PCDHA4: variants seen among roughly 807,000 people sequenced by gnomAD.
PCDHA4 encodes protocadherin alpha-4.
In PCDHA4, 49 loss-of-function variants were observed where a neutral mutation model predicts 61.4. The observed-to-expected ratio is 0.80, with a 90% CI of 0.63 to 1.01. The LOEUF is 1.01. Ranked by LOEUF, PCDHA4 falls within the 50% of genes least tolerant of loss-of-function variation. PCDHA4 has a pLI of 0.00. For synonymous variants in PCDHA4, 590 were observed against 550.3 expected (o/e 1.07, Z -1.01); for missense variants, 1,254 against 1,235.8 (o/e 1.01, Z -0.22).
At chr5:141,007,395 C>CAAAAAAAAAAAAA (rs35800918) in intron 3 of PCDHA4, among the ~76,000 whole-genome samples, 1 of 94,866 alleles carries the variant, frequency 1.1e-5, no homozygotes. Flanking sequence ...TACTAAAATA[C>CAAAAAAAAAAAAA]AAAAAAAAAA....
rs1372096351 is a variant in PCDHA4, at chr5:140,851,273, G to A, written c.2385+41701G>A. 3 of 1,057,916 alleles carry A rather than the reference G, an allele frequency of 2.8e-6. No homozygotes were observed. In the African/African-American group the frequency reaches 5.0e-5, roughly 18 times the overall value. The allele number at this position is 1,057,916 out of a possible 1,614,324, so 65.5% of individuals were successfully genotyped here. On this transcript the variant is annotated intron_variant, in intron 1 of 3. Coordinates refer to ENST00000530339, the MANE Select transcript of PCDHA4 (RefSeq NM_018907.4). ...CATAGTATTTTAGTCTACTTGTATT[G>A]TTTATAAGAAACCCAAGCAAAAATA...
At chr5:140,905,627 G>A (rs1233983487) in intron 1 of PCDHA4, among the ~76,000 whole-genome samples, 1 of 152,150 alleles carries the variant, frequency 6.6e-6, no homozygotes, top group African/African-American at 2.4e-5. Context: ...GCTTTTGACA[G>A]TATGGTCAGT....
At chr5:140,871,659 T>C (rs2153275031) in intron 1 of PCDHA4, 1 of 1,218,398 alleles carries the variant, frequency 8.2e-7, no homozygotes, top group Non-Finnish European at 1.1e-6. Context: ...GATACACATC[T>C]TCAGTCTTTT....
At chr5:140,830,476 T>C in intron 1 of PCDHA4, 1 of 1,551,430 alleles carries the variant, frequency 6.4e-7, no homozygotes, top group Non-Finnish European at 8.7e-7. Flanking sequence ...ATGAAGATCA[T>C]GATGCCAAAG....
chr5:140,808,800 G>A lies in PCDHA4; in HGVS notation c.1613G>A (p.Arg538His). 6.2e-7 allele frequency: 1 copy of A among 1,612,608 alleles called. No individual in the cohort carries two copies. Among genetic ancestry groups the A allele is most frequent in the African/African-American group, 1.3e-5 (1 of 75,042 alleles). The change falls in exon 1 of 4, where the codon CGC (arginine) becomes CAC (histidine). Residue 538 changes from arginine to histidine, a missense_variant. Coordinates refer to ENST00000530339, the MANE Select transcript of PCDHA4 (RefSeq NM_018907.4). ...LELLQFQVTA[R>H]DAGVPPLGSN... ...CTGCTGCAGTTTCAGGTGACCGCTCGCGATGCCGGCGTGCCACCTCTGGGC... is the reference window on the plus strand; with the variant it reads ...CTGCTGCAGTTTCAGGTGACCGCTCACGATGCCGGCGTGCCACCTCTGGGC...
At chr5:140,845,376 G>A (rs1779847129) in intron 1 of PCDHA4, among the ~76,000 whole-genome samples, 1 of 149,336 alleles carries the variant, frequency 6.7e-6, no homozygotes, top group Non-Finnish European at 1.5e-5. Context: ...ATCATAAATA[G>A]GAGGATTCTT....
intron 1 of PCDHA4, chr5:140,870,382 C>G (rs782627889): frequency 7.4e-6 from 12 of 1,614,062 alleles, no homozygotes; most frequent in Non-Finnish European, 1.0e-5. Context: ...GGTGACTGCG[C>G]GGGATGGGGG....
intron 1 of PCDHA4, among the ~76,000 whole-genome samples, chr5:140,840,700 CA>C (rs1776825723): frequency 6.6e-6 from 1 of 151,868 alleles, no homozygotes; most frequent in African/African-American, 2.4e-5. Context: ...ACGGTTCAGG[CA>C]ATTTGACATT....
At chr5:140,930,168 C>T (rs2086634095) in intron 1 of PCDHA4, 1 of 152,048 alleles carries the variant, frequency 6.6e-6, no homozygotes, top group Non-Finnish European at 1.5e-5. Context: ...TAATATTTTA[C>T]AAAGAGGAAA....
intron 1 of PCDHA4, among the ~76,000 whole-genome samples, chr5:140,960,837 G>A (rs1554225051): frequency 6.6e-6 from 1 of 151,456 alleles, no homozygotes; most frequent in African/African-American, 2.5e-5. Flanking sequence ...ACTTGGAACA[G>A]GTTTAATGGC....
chr5:140,871,873 A>G (rs529401892), intron 1 of PCDHA4, among the ~76,000 whole-genome samples: 44 of 152,336 alleles, frequency 2.9e-4, no homozygotes, highest in African/African-American at 1.0e-3. Flanking sequence ...GATTATTTAA[A>G]TTTGCTCCTC....
At chr5:140,835,721 C>T (rs2150243026) in intron 1 of PCDHA4, 10 of 1,613,816 alleles carry the variant, frequency 6.2e-6, no homozygotes, top group Non-Finnish European at 8.5e-6. Context: ...TGGAGGTGGC[C>T]GACGTGAACG....
intron 1 of PCDHA4, chr5:140,967,773 A>C (rs1285230643): frequency 1.9e-6 from 3 of 1,614,108 alleles, no homozygotes; most frequent in Non-Finnish European, 1.7e-6. Context: ...ATCTATGTGC[A>C]GGCGACTGAC....
rs2150496669 is a variant in PCDHA4 at position 140,850,740 on chromosome 5, T to A, written c.2385+41168T>A. 3.1e-6 allele frequency: 5 copies of A among 1,597,562 alleles called. 1 individual carries two copies. The highest frequency in any genetic ancestry group is 3.4e-6 in the Non-Finnish European group (4 of 1,167,476). On this transcript the variant is annotated intron_variant, in intron 1 of 3. Coordinates refer to ENST00000530339, the MANE Select transcript of PCDHA4 (RefSeq NM_018907.4). Reference sequence around the variant, plus strand: ...GTGTTCTAGCGCGGTGGGGAGTTGGTCGTACTCGCAGCAGAGGAGGCAGAG... The same window carrying A: ...GTGTTCTAGCGCGGTGGGGAGTTGGACGTACTCGCAGCAGAGGAGGCAGAG...
At chr5:140,883,773 G>C (rs1362933627) in intron 1 of PCDHA4, 11 of 1,612,372 alleles carry the variant, frequency 6.8e-6, no homozygotes, top group Non-Finnish European at 9.3e-6. Context: ...GTGGGCGAGC[G>C]TGCGCTGTCG....
At chr5:140,929,410 C>G (rs2086136493) in intron 1 of PCDHA4, 1 of 1,505,808 alleles carries the variant, frequency 6.6e-7, no homozygotes, top group Non-Finnish European at 8.9e-7. Context: ...ACAAGCCTTT[C>G]ACAACATTTC....
chr5:140,895,413 C>T (rs141941836), intron 1 of PCDHA4, among the ~76,000 whole-genome samples: 52 of 152,240 alleles, frequency 3.4e-4, no homozygotes, highest in African/African-American at 1.0e-3. Flanking sequence ...GCCCCATAAC[C>T]TTCTTTTGCT....
At chr5:140,875,992 C>T in intron 1 of PCDHA4, 2 of 1,613,870 alleles carry the variant, frequency 1.2e-6, no homozygotes, top group African/African-American at 1.3e-5. Flanking sequence ...TGCGTTAAGT[C>T]TAAATGAGAA....
chr5:140,842,094 G>C (rs2150329211), intron 1 of PCDHA4: 1 of 1,613,884 alleles, frequency 6.2e-7, no homozygotes, highest in South Asian at 1.1e-5. Context: ...GCAGACAACG[G>C]AACAACAGTT....
Sources: allele counts gnomAD v4.1 joint callset (sites outside exome capture counted in the v4.1 genomes callset), GRCh38; gene constraint gnomAD v4.1.1; transcripts MANE v1.5; gene names NCBI Gene and HGNC (gene_info 2026-07-23, HGNC 2026-07-21).